VAV2: variants seen among roughly 807,000 people sequenced by gnomAD.
The protein encoded by VAV2 is guanine nucleotide exchange factor VAV2.
Under a neutral mutation model 132.5 loss-of-function variants are expected in VAV2, and 67 were observed. That is an observed-to-expected ratio of 0.51 (90% CI 0.42 to 0.62). VAV2 has a LOEUF of 0.62. Ranked by LOEUF, VAV2 falls within the 20% of genes least tolerant of loss-of-function variation. The pLI, the probability that VAV2 is intolerant of heterozygous loss-of-function variation, is 0.00. For synonymous variants in VAV2, 492 were observed against 443.5 expected (o/e 1.11, Z -1.37); for missense variants, 938 against 1,153.6 (o/e 0.81, Z 2.71).
At chr9:133,909,656 T>C (rs1417790468) in intron 2 of VAV2, among the ~76,000 whole-genome samples, 2 of 59,910 alleles carry the variant, frequency 3.3e-5, no homozygotes, top group African/African-American at 8.1e-5. Context: ...GCAGACTAGA[T>C]GGTCCGACTG....
chr9:133,902,139 G>T (rs897282656), intron 2 of VAV2, among the ~76,000 whole-genome samples: 2 of 151,604 alleles, frequency 1.3e-5, no homozygotes, highest in African/African-American at 4.9e-5. Flanking sequence ...CCAATTTAAG[G>T]CCAGGCCCAT....
chr9:133,792,040 G>A (rs1358060676), intron 12 of VAV2, among the ~76,000 whole-genome samples, 171 bp from the exon 13 acceptor site: 1 of 148,872 alleles, frequency 6.7e-6, no homozygotes, highest in Non-Finnish European at 1.5e-5. Context: ...GTGTGTGTGT[G>A]AGCATGTGTG....
chr9:133,948,090 C>A (rs1280722989), intron 1 of VAV2, among the ~76,000 whole-genome samples: 2 of 152,198 alleles, frequency 1.3e-5, no homozygotes, highest in African/African-American at 4.8e-5. Flanking sequence ...TATGCTCAGA[C>A]CGCACTGAGC....
At chr9:133,937,669 C>T (rs1588142896) in intron 2 of VAV2, among the ~76,000 whole-genome samples, 2 of 152,094 alleles carry the variant, frequency 1.3e-5, no homozygotes, top group East Asian at 3.8e-4. Flanking sequence ...AGAGTTCCAA[C>T]TCATTTCAAA....
chr9:133,956,922 G>C (rs957706865), intron 1 of VAV2, among the ~76,000 whole-genome samples: 3 of 152,232 alleles, frequency 2.0e-5, no homozygotes, highest in Non-Finnish European at 4.4e-5. Flanking sequence ...GCCAGAGCTG[G>C]TACTTCAGCA....
intron 3 of VAV2, among the ~76,000 whole-genome samples, chr9:133,851,953 A>G (rs1412783628): frequency 6.6e-6 from 1 of 151,084 alleles, no homozygotes; most frequent in Admixed American, 6.6e-5. Context: ...GGATGGATAC[A>G]TGGATGTATG....
rs1474983800 is a variant in VAV2, at chr9:133,802,921, GGGTT to G, written c.836+3156_836+3159del. 6.6e-6 allele frequency among the ~76,000 whole-genome samples: 1 copy of G among 152,212 alleles called. No individual in the cohort carries two copies. Among genetic ancestry groups the G allele is most frequent in the Non-Finnish European group, 1.5e-5 (1 of 68,030 alleles). ...CTCCGTTTCCCCATCTGGGAAATGG[GGGTT>G]AGACAGAGCGGGAGCTGAGGCTTCT... On this transcript the variant is annotated intron_variant, in intron 9 of 29. Coordinates refer to ENST00000371850, the MANE Select transcript of VAV2 (RefSeq NM_001134398.2). This position sits in a 1 kb window ranked among gnomAD's most constrained non-coding sequence, Gnocchi z 5.8.
At position 133,826,281 on chromosome 9, in the gene VAV2, G is replaced by A. The variant is rs541221921; in HGVS notation, c.449+7991C>T. 2.0e-5 allele frequency among the ~76,000 whole-genome samples: 3 copies of A among 152,264 alleles called. No individual in the cohort carries two copies. The highest frequency in any genetic ancestry group is 3.9e-4 in the East Asian group (2 of 5,176). On this transcript the variant is annotated intron_variant, in intron 4 of 29. Transcript: ENST00000371850. The surrounding 1 kb of genome is among the most constrained non-coding windows in gnomAD (Gnocchi z 4.2). ...GCTAGACCTTGGGCCCTGGTGACCCGCCACACTAAAGCAGCCAGCAGCTGC... is the reference window on the plus strand; with the variant it reads ...GCTAGACCTTGGGCCCTGGTGACCCACCACACTAAAGCAGCCAGCAGCTGC...
At chr9:133,893,082 A>G (rs1254405343) in intron 2 of VAV2, among the ~76,000 whole-genome samples, 1 of 152,184 alleles carries the variant, frequency 6.6e-6, no homozygotes, top group Admixed American at 6.5e-5. Flanking sequence ...TTTCTCTCAG[A>G]GGACAGCACG....
intron 2 of VAV2, among the ~76,000 whole-genome samples, chr9:133,924,001 G>A (rs1840384473): frequency 6.6e-6 from 1 of 151,420 alleles, no homozygotes; most frequent in African/African-American, 2.4e-5. Context: ...GGGGGTGGGG[G>A]ACTAGGGGAG....
At chr9:133,851,480 C>T (rs985862373) in intron 3 of VAV2, among the ~76,000 whole-genome samples, 1 of 152,222 alleles carries the variant, frequency 6.6e-6, no homozygotes, top group Admixed American at 6.5e-5. Context: ...CATCAGCACC[C>T]GAGTGAACCA....
chr9:133,781,615 A>G (rs1025381963), intron 19 of VAV2, among the ~76,000 whole-genome samples: 1 of 152,226 alleles, frequency 6.6e-6, no homozygotes, highest in African/African-American at 2.4e-5. Context: ...CAGCTAAACC[A>G]GCCTCGGCAG....
At chr9:133,910,932 C>A (rs2519795) in intron 2 of VAV2, among the ~76,000 whole-genome samples, 1 of 151,992 alleles carries the variant, frequency 6.6e-6, no homozygotes, top group African/African-American at 2.4e-5. Context: ...TCCCGCAGAC[C>A]GCAAGCCCAT....
In VAV2 at chr9:133,912,487, C is replaced by T. The variant is rs1368186224; in HGVS notation, c.321+26616G>A. ...ACCCCAACATGTCAGGGTATATCAA[C>T]ACCCATATGTCACTGGTGCTGGGTC... On this transcript the variant is annotated intron_variant, in intron 2 of 29. Transcript: ENST00000371850. The surrounding 1 kb of genome is among the most constrained non-coding windows in gnomAD (Gnocchi z 4.3). 6.6e-6 allele frequency among the ~76,000 whole-genome samples: 1 copy of T among 152,198 alleles called. No individual in the cohort carries two copies. The highest frequency in any genetic ancestry group is 3.2e-3 in the Middle Eastern group (1 of 316).
rs1403542577 is a variant in VAV2, at chr9:133,840,587, C to T, written c.381-6247G>A. Reference sequence around the variant, plus strand: ...GAAAACAGAACACCCTACAGGGGTGCCCAAACCCAAACCCCGAAGGAAGAG... The same window carrying T: ...GAAAACAGAACACCCTACAGGGGTGTCCAAACCCAAACCCCGAAGGAAGAG... On this transcript the variant is annotated intron_variant, in intron 3 of 29. Transcript: ENST00000371850. The surrounding 1 kb of genome is among the most constrained non-coding windows in gnomAD (Gnocchi z 4.5). 6.6e-6 allele frequency among the ~76,000 whole-genome samples: 1 copy of T among 152,190 alleles called. No homozygotes were observed. Among genetic ancestry groups the T allele is most frequent in the Non-Finnish European group, 1.5e-5 (1 of 68,040 alleles).
At chr9:133,801,014 C>T (rs565266065) in intron 9 of VAV2, among the ~76,000 whole-genome samples, 7 of 152,174 alleles carry the variant, frequency 4.6e-5, no homozygotes, top group Non-Finnish European at 8.8e-5. Context: ...GAGACTGCCC[C>T]GGGTGACCCC....
Position 133,804,101 on chromosome 9 carries a change from A to C in VAV2, c.836+1980T>G, listed in dbSNP as rs1564363334. Reference sequence around the variant, plus strand: ...GTAGCTCTGTTCACTGCGTGTCCTCAGTCCAGAGCTCAGGAGCCATACAGA... The same window carrying C: ...GTAGCTCTGTTCACTGCGTGTCCTCCGTCCAGAGCTCAGGAGCCATACAGA... On this transcript the variant is annotated intron_variant, in intron 9 of 29. Transcript: ENST00000371850. This position sits in a 1 kb window ranked among gnomAD's most constrained non-coding sequence, Gnocchi z 4.5. Among the ~76,000 whole-genome samples the C allele has an allele frequency of 6.6e-6, 1 of 152,154 alleles. No homozygotes were observed. Among genetic ancestry groups the C allele is most frequent in the Admixed American group, 6.5e-5 (1 of 15,268 alleles).
intron 1 of VAV2, among the ~76,000 whole-genome samples, chr9:133,974,464 G>A (rs1015695569): frequency 5.3e-5 from 8 of 152,102 alleles, no homozygotes; most frequent in African/African-American, 9.7e-5. Flanking sequence ...AGTGGTCTCC[G>A]TTTGCTACCT....
intron 1 of VAV2, among the ~76,000 whole-genome samples, chr9:133,955,903 TC>T (rs2132202262): frequency 6.7e-6 from 1 of 148,736 alleles, no homozygotes; most frequent in South Asian, 2.2e-4. Flanking sequence ...GAAGCTCAGT[TC>T]CTGCCGCTTC....
Sources: allele counts gnomAD v4.1 joint callset (sites outside exome capture counted in the v4.1 genomes callset), GRCh38; gene constraint gnomAD v4.1.1; non-coding constraint Gnocchi (gnomAD v3.1); transcripts MANE v1.5; gene names NCBI Gene and HGNC (gene_info 2026-07-23, HGNC 2026-07-21).